MTTP: variants seen among roughly 807,000 people sequenced by gnomAD.
The protein encoded by MTTP is microsomal triglyceride transfer protein.
Under a neutral mutation model 90.6 loss-of-function variants are expected in MTTP, and 49 were observed. The ratio of observed to expected loss-of-function variants is 0.54; its 90% CI spans 0.43 to 0.69. The LOEUF (loss-of-function observed/expected upper bound fraction) is 0.69. MTTP is among the 30% of genes least tolerant of loss of function. The probability of loss-of-function intolerance (pLI) is 0.00; values close to 1 mark genes in which losing one functional copy is unlikely to be tolerated. For missense variants in MTTP, 945 were observed against 1,067.5 expected, an observed-to-expected ratio of 0.89 and a Z score of 1.60; for synonymous variants, 347 against 384.2, an observed-to-expected ratio of 0.90 and a Z score of 1.13.
At chr4:99,585,714 T>C (rs1725242533) in intron 3 of MTTP, among the ~76,000 whole-genome samples, 1 of 152,116 alleles carries the variant, frequency 6.6e-6, no homozygotes. Flanking sequence ...CCCTCACTGT[T>C]CAAAGGCTGG....
chr4:99,621,795 T>A (rs1292052039), intron 17 of MTTP, among the ~76,000 whole-genome samples: 1 of 152,220 alleles, frequency 6.6e-6, no homozygotes, highest in East Asian at 1.9e-4. Context: ...AGATATAATT[T>A]CCATGTAACA....
chr4:99,615,587 T>A (rs1726079138), intron 15 of MTTP, among the ~76,000 whole-genome samples: 5 of 152,220 alleles, frequency 3.3e-5, no homozygotes, highest in Admixed American at 3.3e-4. Flanking sequence ...AATGCCATCC[T>A]AGCTTCAGAG....
In MTTP at chr4:99,606,935, A is replaced by G. The variant is rs1384524277; in HGVS notation, c.1532A>G (p.Tyr511Cys). ...CTGGCTACCACTGCTCTCCAGAGAT[A>G]TGATCTCCCTTTCATAACTGATGAG... ...SHLATTALQR[Y>C]DLPFITDEVK... The change falls in exon 11 of 18, where the codon TAT becomes TGT. Residue 511 changes from tyrosine (Y) to cysteine (C), a missense_variant. Coordinates refer to ENST00000265517, the MANE Select transcript of MTTP (RefSeq NM_001386140.1). 1.2e-6 allele frequency: 2 copies of G among 1,613,670 alleles called. No individual in the cohort carries two copies. The highest frequency in any genetic ancestry group is 1.7e-5 in the Admixed American group (1 of 59,972).
chr4:99,606,804 A>T lies in MTTP; in HGVS notation c.1401A>T (p.Lys467Asn). The T allele has an allele frequency of 6.2e-7, 1 of 1,614,098 alleles. No individual in the cohort carries two copies. Among genetic ancestry groups the T allele is most frequent in the Non-Finnish European group, 8.5e-7 (1 of 1,180,006 alleles). The change falls in exon 11 of 18, where the codon AAA becomes AAT. Residue 467 changes from lysine to asparagine, a missense_variant. Coordinates refer to ENST00000265517, the MANE Select transcript of MTTP (RefSeq NM_001386140.1). ...ILGGLEKAEK[K>N]EDTRMYLLAL... ...GAGGACTTGAAAAAGCAGAGAAAAA[A>T]GAGGACACCAGGATGTATCTGCTGG...
At chr4:99,582,117 G>A in intron 2 of MTTP, 25 bp downstream of exon 2, 1 of 1,612,836 alleles carries the variant, frequency 6.2e-7, no homozygotes. Context: ...CCAGATAAAT[G>A]CAAAGATTAG....
Position 99,565,822 on chromosome 4 carries a change from A to G in MTTP, c.-102+1585A>G, listed in dbSNP as rs1208643547. Among the ~76,000 whole-genome samples the G allele has an allele frequency of 2.0e-5, 3 of 152,176 alleles. No individual in the cohort carries two copies. The East Asian group carries it at 5.8e-4, about 29-fold the overall frequency. On this transcript the variant is annotated intron_variant, in intron 1 of 18. Transcript: ENST00000457717. ...TCAGAAAAGTGAAGAAGTTTAAGAT[A>G]TTGGGAACAGTGAAAGCAAAGACCT... is the stretch of plus-strand genomic sequence containing the variant.
chr4:99,613,480 A>G (rs986356359), intron 15 of MTTP, among the ~76,000 whole-genome samples: 1 of 152,162 alleles, frequency 6.6e-6, no homozygotes, highest in African/African-American at 2.4e-5. Flanking sequence ...TTTATCCTGA[A>G]GGCAGGAGCT....
chr4:99,573,375 C>G (rs997483379), upstream of MTTP, among the ~76,000 whole-genome samples: 1 of 152,026 alleles, frequency 6.6e-6, no homozygotes, highest in African/African-American at 2.4e-5. Context: ...ATTCAAAATC[C>G]CTACTCTTCA....
chr4:99,589,716 T>C lies in MTTP; in HGVS notation c.467T>C (p.Phe156Ser), dbSNP rs749813771. 1 of 1,605,154 alleles carries C rather than the reference T, an allele frequency of 6.2e-7. No homozygotes were observed. ...ATCAAGAGAGGTCTGGCTAGCCTATTTCAGACACAGTTAAGCTCTGGAACC... is the reference window on the plus strand; with the variant it reads ...ATCAAGAGAGGTCTGGCTAGCCTATCTCAGACACAGTTAAGCTCTGGAACC... Reference protein sequence around the residue: ...ENIKRGLASLFQTQLSSGTTN... With the variant: ...ENIKRGLASLSQTQLSSGTTN... Residue 156 changes from phenylalanine to serine, a missense_variant, in exon 4 of 18, where the codon TTT (phenylalanine) becomes TCT (serine). By Grantham distance (155) the Phe-to-Ser change is radical (BLOSUM62 -2). Coordinates refer to ENST00000265517, the MANE Select transcript of MTTP (RefSeq NM_001386140.1).
intron 14 of MTTP, among the ~76,000 whole-genome samples, chr4:99,612,363 C>G (rs974348359): frequency 1.4e-5 from 2 of 144,816 alleles, no homozygotes; most frequent in East Asian, 4.4e-4. Context: ...TGGTGTTTAT[C>G]GACTTTTTTT....
intron 10 of MTTP, among the ~76,000 whole-genome samples, chr4:99,602,431 C>CT (rs954518356): frequency 6.6e-6 from 1 of 152,044 alleles, no homozygotes; most frequent in African/African-American, 2.4e-5. Flanking sequence ...ACAACATAGT[C>CT]TTTTTTTCTG....
chr4:99,610,630 C>A (rs1373819507), intron 12 of MTTP, among the ~76,000 whole-genome samples: 2 of 152,042 alleles, frequency 1.3e-5, no homozygotes, highest in Non-Finnish European at 2.9e-5. Flanking sequence ...CCAGAGGAGA[C>A]GATGATTTCT....
chr4:99,609,543 A>G (rs1228542062), intron 12 of MTTP, among the ~76,000 whole-genome samples: 1 of 152,116 alleles, frequency 6.6e-6, no homozygotes, highest in Non-Finnish European at 1.5e-5. Context: ...TGGCTCCCCC[A>G]AGGTGCCTCC....
intron 12 of MTTP, 72 bp from the exon 13 acceptor site, chr4:99,611,071 T>C: frequency 6.5e-7 from 1 of 1,528,346 alleles, no homozygotes; most frequent in Non-Finnish European, 9.1e-7. Flanking sequence ...GAGGATTTTT[T>C]TTTTCCAAAT....
chr4:99,607,499 C>T (rs970756900), intron 11 of MTTP, among the ~76,000 whole-genome samples: 1 of 152,134 alleles, frequency 6.6e-6, no homozygotes, highest in African/African-American at 2.4e-5. Flanking sequence ...GACAGACCTA[C>T]GTATAAACTC....
intron 8 of MTTP, among the ~76,000 whole-genome samples, chr4:99,598,653 CTTTTT>C (rs745529189): frequency 0.043 from 3,563 of 82,296 alleles, 59 homozygotes; most frequent in African/African-American, 0.057. Context: ...TCAAGGAAGT[CTTTTT>C]TTTTTTTTTT....
intron 11 of MTTP, among the ~76,000 whole-genome samples, chr4:99,608,087 T>G (rs747434880): frequency 1.8e-4 from 27 of 152,162 alleles, no homozygotes; most frequent in Non-Finnish European, 2.8e-4. Flanking sequence ...AATTCTATAT[T>G]AGTTAGGTAA....
rs1726273694 is a variant in MTTP, at chr4:99,622,822, G to A, written c.2659G>A (p.Asp887Asn). ...CAAAGTGGTGTTTGCCCCTCAGCCG[G>A]ATAGTACTTCCAGCGGATGGTTTTG... ...MCKVVFAPQP[D>N]STSSGWF Residue 887 changes from aspartate (D) to asparagine (N), a missense_variant, in exon 18 of 18, where the codon GAT (aspartate) becomes AAT (asparagine). Transcript: ENST00000265517. 1 of 1,613,992 alleles carries A rather than the reference G, an allele frequency of 6.2e-7. No homozygotes were observed.
At chr4:99,600,422 T>G in intron 8 of MTTP, 143 bp from the exon 9 acceptor site, 1 of 847,738 alleles carries the variant, frequency 1.2e-6, no homozygotes, top group Non-Finnish European at 1.9e-6. Context: ...GAGAAAGTCT[T>G]AATCATTTTT....
Sources: allele counts gnomAD v4.1 joint callset (sites outside exome capture counted in the v4.1 genomes callset), GRCh38; gene constraint gnomAD v4.1.1; transcripts MANE v1.5; gene names NCBI Gene and HGNC (gene_info 2026-07-23, HGNC 2026-07-21).